The following RYR2 variants were observed in gnomAD, a reference collection of about 807,000 sequenced individuals.
RYR2 encodes the protein cardiac muscle ryanodine receptor-calcium release channel.
Under a neutral mutation model 601.1 loss-of-function variants are expected in RYR2, and 227 were observed. The observed-to-expected ratio is 0.38, with a 90% CI of 0.34 to 0.42. The LOEUF (loss-of-function observed/expected upper bound fraction) is 0.42, where lower values mean the gene tolerates loss of function less well. RYR2 is among the 10% of genes least tolerant of loss of function. The pLI, the probability that RYR2 is intolerant of heterozygous loss-of-function variation, is 1.00. For synonymous variants in RYR2, 2,223 were observed against 2,175.1 expected (o/e 1.02, Z -0.61); for missense variants, 4,646 against 6,156.5 (o/e 0.75, Z 8.21).
At chr1:237,606,162 A>C (rs1677100163) in intron 35 of RYR2, among the ~76,000 whole-genome samples, 1 of 152,156 alleles carries the variant, frequency 6.6e-6, no homozygotes, top group Admixed American at 6.5e-5. Context: ...ACCTGACTTC[A>C]AACTATACTA....
At chr1:237,798,412 CTA>C (rs10636006) in intron 97 of RYR2, among the ~76,000 whole-genome samples, 1 of 151,624 alleles carries the variant, frequency 6.6e-6, no homozygotes, top group African/African-American at 2.4e-5. Context: ...AACAGAAAGA[CTA>C]TGTTTTTTAC....
intron 1 of RYR2, among the ~76,000 whole-genome samples, chr1:237,220,108 T>G (rs1683643199): frequency 6.6e-6 from 1 of 152,214 alleles, no homozygotes; most frequent in East Asian, 1.9e-4. Flanking sequence ...CCTGGATGGC[T>G]GGTGAAGCAT....
chr1:237,272,118 A>G (rs983155484), intron 2 of RYR2, among the ~76,000 whole-genome samples: 2 of 152,170 alleles, frequency 1.3e-5, no homozygotes, highest in Admixed American at 6.5e-5. Flanking sequence ...TGACAGAGCA[A>G]GATTCTGTCA....
intron 102 of RYR2, 126 bp downstream of exon 102, chr1:237,828,571 T>A: frequency 1.6e-6 from 1 of 618,022 alleles, no homozygotes; most frequent in Non-Finnish European, 2.8e-6. Context: ...GTGGTTTCAC[T>A]GGCGTGTTTT....
At chr1:237,307,816 T>C (rs183026290) in intron 2 of RYR2, among the ~76,000 whole-genome samples, 8 of 152,362 alleles carry the variant, frequency 5.3e-5, no homozygotes, top group Admixed American at 5.2e-4. Context: ...AGTATGAGCC[T>C]TCGGTTTGCT....
intron 100 of RYR2, among the ~76,000 whole-genome samples, chr1:237,818,255 T>C (rs1662059675): frequency 6.6e-6 from 1 of 152,180 alleles, no homozygotes; most frequent in African/African-American, 2.4e-5. Context: ...ATTGTCACTA[T>C]GAGGTAGGGT....
At chr1:237,513,293 C>T (rs1309061604) in intron 24 of RYR2, among the ~76,000 whole-genome samples, 1 of 152,140 alleles carries the variant, frequency 6.6e-6, no homozygotes, top group African/African-American at 2.4e-5. Context: ...TCCTTCCATC[C>T]TTGATGTCCT....
chr1:237,440,234 T>G (rs1707784588), intron 12 of RYR2, among the ~76,000 whole-genome samples: 1 of 152,176 alleles, frequency 6.6e-6, no homozygotes, highest in Non-Finnish European at 1.5e-5. Flanking sequence ...ATTTTAAAAT[T>G]GTTCGTTTTT....
intron 35 of RYR2, among the ~76,000 whole-genome samples, chr1:237,603,823 C>G (rs756512744): frequency 2.6e-5 from 4 of 152,010 alleles, no homozygotes; most frequent in African/African-American, 7.2e-5. Flanking sequence ...AAGAGACAAA[C>G]AAGGCCATTA....
chr1:237,492,273 C>T (rs1465914275), intron 18 of RYR2, among the ~76,000 whole-genome samples: 2 of 152,204 alleles, frequency 1.3e-5, no homozygotes, highest in African/African-American at 4.8e-5. Flanking sequence ...CTCAGGTGAT[C>T]CACCTGCCTT....
Position 237,614,673 on chromosome 1 carries a change from A to C in RYR2, c.5545A>C (p.Ser1849Arg). 1 of 1,614,020 alleles carries C rather than the reference A, an allele frequency of 6.2e-7. No homozygotes were observed. Residue 1849 changes from serine to arginine, a missense_variant, in exon 37 of 105, where the codon AGT (serine) becomes CGT (arginine). Physicochemically the swap from Ser to Arg is moderately radical, Grantham distance 110. Transcript: ENST00000366574. The surrounding 1 kb of genome is among the most constrained non-coding windows in gnomAD (Gnocchi z 4.3). ...GCACATCTTGCAGTTGATTGAGCCC[A>C]GTGTGTTTAAAGAAGCTGCCACTCC... is the stretch of plus-strand genomic sequence containing the variant. Reference protein sequence around the residue: ...LKHILQLIEPSVFKEAATPEE... With the variant: ...LKHILQLIEPRVFKEAATPEE...
intron 1 of RYR2, among the ~76,000 whole-genome samples, chr1:237,196,836 G>A (rs1680628309): frequency 6.6e-6 from 1 of 152,090 alleles, no homozygotes; most frequent in Admixed American, 6.5e-5. Flanking sequence ...GAATGGCATT[G>A]AATTTATGTA....
chr1:237,773,072 G>C (rs902445597), intron 86 of RYR2, among the ~76,000 whole-genome samples: 2 of 152,136 alleles, frequency 1.3e-5, no homozygotes, highest in African/African-American at 4.8e-5. Context: ...AAAAGCCATG[G>C]ATATCAGCGA....
At chr1:237,238,741 G>A (rs569772923) in intron 1 of RYR2, among the ~76,000 whole-genome samples, 3 of 152,258 alleles carry the variant, frequency 2.0e-5, no homozygotes, top group East Asian at 3.9e-4. Flanking sequence ...ATAGACCTGT[G>A]GGTCACCTTA....
At chr1:237,791,293 G>A in intron 92 of RYR2, 136 bp from the exon 93 acceptor site, 1 of 622,574 alleles carries the variant, frequency 1.6e-6, no homozygotes, top group Non-Finnish European at 2.9e-6. Context: ...TAGGTCTGCA[G>A]CACCAAGAAT....
intron 1 of RYR2, among the ~76,000 whole-genome samples, chr1:237,260,559 GCCGTGGGTCA>G (rs372819248): frequency 1.1e-4 from 17 of 152,266 alleles, no homozygotes; most frequent in African/African-American, 3.6e-4. Flanking sequence ...TTGATGGGGT[GCCGTGGGTCA>G]CACCTGTAAT....
intron 1 of RYR2, among the ~76,000 whole-genome samples, chr1:237,192,366 C>A (rs984836899): frequency 6.6e-6 from 1 of 151,948 alleles, no homozygotes; most frequent in Non-Finnish European, 1.5e-5. Context: ...TCGCCCACCA[C>A]GCCCGGCTAA....
rs532600015 is a variant in RYR2, at chr1:237,258,128, A to G, written c.49-12369A>G. Among the ~76,000 whole-genome samples, 7 of 149,550 alleles carry G rather than the reference A, an allele frequency of 4.7e-5. No homozygotes were observed. In the South Asian group the frequency reaches 1.5e-3, roughly 32 times the overall value. ...GGTTGCAGTGAGCCGAGATCGTGCC[A>G]TTGCACTCCAGCCTGGGTGACAAAA... On this transcript the variant is annotated intron_variant, in intron 1 of 104. Coordinates refer to ENST00000366574, the MANE Select transcript of RYR2 (RefSeq NM_001035.3).
intron 12 of RYR2, among the ~76,000 whole-genome samples, chr1:237,441,074 T>C (rs1369318424): frequency 2.6e-5 from 4 of 152,264 alleles, no homozygotes; most frequent in African/African-American, 9.6e-5. Context: ...GGTTTGGAGT[T>C]GGCCATTATG....
Sources: allele counts gnomAD v4.1 joint callset (sites outside exome capture counted in the v4.1 genomes callset), GRCh38; gene constraint gnomAD v4.1.1; non-coding constraint Gnocchi (gnomAD v3.1); transcripts MANE v1.5; gene names NCBI Gene and HGNC (gene_info 2026-07-23, HGNC 2026-07-21).